The following UGT1A8 variants were observed in gnomAD, a reference collection of about 807,000 sequenced individuals.
UGT1A8 encodes UDP-glucuronosyltransferase 1A8.
Under a neutral mutation model 45.3 loss-of-function variants are expected in UGT1A8, and 39 were observed. That is an observed-to-expected ratio of 0.86 (90% CI 0.67 to 1.12). The LOEUF (loss-of-function observed/expected upper bound fraction) is 1.12, where lower values mean the gene tolerates loss of function less well. UGT1A8 is among the 50% of genes most tolerant of loss of function. UGT1A8 has a pLI of 0.00. For missense variants in UGT1A8, 719 were observed against 664.9 expected, an observed-to-expected ratio of 1.08 and a Z score of -0.90; for synonymous variants, 275 against 249.2, an observed-to-expected ratio of 1.10 and a Z score of -0.97.
At chr2:233,715,608 C>T (rs944774331) in intron 1 of UGT1A8, among the ~76,000 whole-genome samples, 2 of 151,816 alleles carry the variant, frequency 1.3e-5, no homozygotes, top group Non-Finnish European at 2.9e-5. Flanking sequence ...TCCATCTCTA[C>T]AAAAAATTAA....
At chr2:233,674,209 G>A (rs772359016) in intron 1 of UGT1A8, among the ~76,000 whole-genome samples, 3 of 152,136 alleles carry the variant, frequency 2.0e-5, no homozygotes, top group African/African-American at 4.8e-5. Context: ...AAGAGTGACT[G>A]TTCAGCCAAC....
intron 1 of UGT1A8, among the ~76,000 whole-genome samples, chr2:233,733,062 C>T (rs1195165933): frequency 2.0e-5 from 3 of 152,118 alleles, no homozygotes; most frequent in Admixed American, 6.5e-5. Flanking sequence ...ATTTTATTCT[C>T]TTTGTAGCAA....
intron 1 of UGT1A8, among the ~76,000 whole-genome samples, chr2:233,758,370 T>C (rs1198211865): frequency 6.6e-6 from 1 of 152,206 alleles, no homozygotes; most frequent in Non-Finnish European, 1.5e-5. Context: ...ATAAAATCAT[T>C]ACAGTGGTGA....
At chr2:233,747,065 G>T (rs1693553512) in intron 1 of UGT1A8, 1 of 956,080 alleles carries the variant, frequency 1.0e-6, no homozygotes, top group Admixed American at 2.9e-5. Context: ...TGGTTAATCG[G>T]TAATAATTAA....
At chr2:233,755,288 C>T in intron 1 of UGT1A8, 1 of 652,734 alleles carries the variant, frequency 1.5e-6, no homozygotes, top group Non-Finnish European at 2.4e-6. Flanking sequence ...GCCAAAGAGC[C>T]TGCGGGGCAC....
rs1559310280 is a variant in UGT1A8 at position 233,618,176 on chromosome 2, G to T, written c.469G>T (p.Val157Phe). The change falls in exon 1 of 5, where the codon GTT (valine) becomes TTT (phenylalanine). Residue 157 changes from valine (V) to phenylalanine (F), a missense_variant. Val to Phe is a conservative substitution (Grantham distance 50). Transcript: ENST00000373450. Reference sequence around the variant, plus strand: ...TCCTTTTGATGCCTGTGGCTTAATTGTTGCCAAATATTTCTCCCTCCCCTC... The same window carrying T: ...TCCTTTTGATGCCTGTGGCTTAATTTTTGCCAAATATTTCTCCCTCCCCTC... The part of the protein sequence containing the change: ...LDPFDACGLI[V>F]AKYFSLPSVV... The T allele has an allele frequency of 2.5e-6, 4 of 1,614,018 alleles. No individual in the cohort carries two copies. The highest frequency in any genetic ancestry group is 4.5e-5 in the East Asian group (2 of 44,862).
Position 233,768,374 on chromosome 2 carries a change from G to T in UGT1A8, c.1230G>T (p.Leu410=). Residue 410 remains leucine, a synonymous_variant, in exon 4 of 5, where the codon CTG becomes CTT. Transcript: ENST00000373450. ...AGACTAAGGGAGCTGGAGTGACCCT[G>T]AATGTTCTGGAAATGACTTCTGAAG... ...RMETKGAGVT[L]NVLEMTSEDL... 3 of 1,614,148 alleles carry T rather than the reference G, an allele frequency of 1.9e-6. No individual in the cohort carries two copies. The highest frequency in any genetic ancestry group is 2.5e-6 in the Non-Finnish European group (3 of 1,180,028).
rs769720139 is a variant in UGT1A8 at position 233,772,367 on chromosome 2, C to T, written c.1401C>T (p.Gly467=). Reference sequence around the variant, plus strand: ...TGGAGTTTGTGATGAGGCACAAGGGCGCGCCACACCTGCGCCCCGCAGCCC... The same window carrying T: ...TGGAGTTTGTGATGAGGCACAAGGGTGCGCCACACCTGCGCCCCGCAGCCC... The part of the protein sequence containing the change: ...FWVEFVMRHK[G]APHLRPAAHD... Residue 467 remains glycine, a synonymous_variant, in exon 5 of 5, where the codon GGC becomes GGT. Transcript: ENST00000373450. The T allele has an allele frequency of 1.5e-5, 24 of 1,614,250 alleles. No individual in the cohort carries two copies. Among genetic ancestry groups the T allele is most frequent in the Admixed American group, 1.7e-5 (1 of 60,036 alleles).
In UGT1A8 at chr2:233,773,093, G is replaced by A; in HGVS notation, c.*534G>A. 6.2e-6 allele frequency: 1 copy of A among 160,484 alleles called. No homozygotes were observed. Among genetic ancestry groups the A allele is most frequent in the East Asian group, 1.7e-4 (1 of 5,844 alleles). The allele number at this position is 160,484 out of a possible 1,614,324, so 9.9% of individuals were successfully genotyped here. A position where few individuals can be genotyped will look rare whatever the true frequency, so the allele number is the denominator to read the frequency against. Reference sequence around the variant, plus strand: ...GAATGAATGGCTTGGAGTGCACTGAGAACAGCATATGATTTCTTGCTTTGG... The same window carrying A: ...GAATGAATGGCTTGGAGTGCACTGAAAACAGCATATGATTTCTTGCTTTGG... On this transcript the variant is annotated 3_prime_UTR_variant, in exon 5 of 5. Transcript: ENST00000373450.
At chr2:233,625,419 C>T (rs182735724) in intron 1 of UGT1A8, among the ~76,000 whole-genome samples, 6 of 152,054 alleles carry the variant, frequency 3.9e-5, no homozygotes, top group African/African-American at 1.2e-4. Flanking sequence ...AACTGTCATT[C>T]GACCCAGCAA....
chr2:233,748,222 C>T (rs1693896902), intron 1 of UGT1A8: 2 of 1,443,838 alleles, frequency 1.4e-6, no homozygotes, highest in Non-Finnish European at 1.9e-6. Flanking sequence ...GTGAGATAAA[C>T]TGTTAAGGGG....
intron 1 of UGT1A8, among the ~76,000 whole-genome samples, chr2:233,727,533 G>A (rs532187681): frequency 2.6e-5 from 4 of 152,154 alleles, no homozygotes; most frequent in East Asian, 1.9e-4. Context: ...ACTACCAGGC[G>A]TGTTCCACCC....
At position 233,744,330 on chromosome 2, in the gene UGT1A8, T is replaced by A. The variant is rs1692777222; in HGVS notation, c.856-22704T>A. Among the ~76,000 whole-genome samples the A allele has an allele frequency of 1.3e-5, 2 of 151,878 alleles. 1 individual carries two copies. The highest frequency in any genetic ancestry group is 4.9e-5 in the African/African-American group (2 of 41,124). On this transcript the variant is annotated intron_variant, in intron 1 of 4. Coordinates refer to ENST00000373450, the MANE Select transcript of UGT1A8 (RefSeq NM_019076.5). Reference sequence around the variant, plus strand: ...GGGAAGAGGGTGGTGGGAGTGAGTTTAGTCTGACTGGGGCTGAAGACATCC... The same window carrying A: ...GGGAAGAGGGTGGTGGGAGTGAGTTAAGTCTGACTGGGGCTGAAGACATCC...
chr2:233,729,448 A>G (rs1363906847), intron 1 of UGT1A8: 1 of 1,614,064 alleles, frequency 6.2e-7, no homozygotes, highest in South Asian at 1.1e-5. Flanking sequence ...ACATTTTCTG[A>G]AGAAATTTTT....
rs754549295 is a variant in UGT1A8, at chr2:233,768,434, C to A, written c.1290C>A (p.Asp430Glu). 1 of 1,613,634 alleles carries A rather than the reference C, an allele frequency of 6.2e-7. No individual in the cohort carries two copies. Among genetic ancestry groups the A allele is most frequent in the Non-Finnish European group, 8.5e-7 (1 of 1,179,838 alleles). Residue 430 changes from aspartate (D) to glutamate (E), a missense_variant, in exon 4 of 5, where the codon GAC becomes GAA. Coordinates refer to ENST00000373450, the MANE Select transcript of UGT1A8 (RefSeq NM_019076.5). ...LENALKAVIN[D>E]KSYKENIMRL... The stretch of plus-strand genomic sequence containing the variant: ...ATGCTCTAAAAGCAGTCATCAATGA[C>A]AAAAGGTAAGAAAGAAGATACAGAA...
chr2:233,632,819 G>A (rs1575387880), intron 1 of UGT1A8, among the ~76,000 whole-genome samples: 1 of 151,982 alleles, frequency 6.6e-6, no homozygotes, highest in Non-Finnish European at 1.5e-5. Context: ...TGAATACCCT[G>A]TATTTCTTTC....
chr2:233,678,276 G>C (rs1382711038), intron 1 of UGT1A8, among the ~76,000 whole-genome samples: 1 of 152,168 alleles, frequency 6.6e-6, no homozygotes, highest in East Asian at 1.9e-4. Context: ...ATATACTCAG[G>C]TAACCTGCAC....
intron 1 of UGT1A8, chr2:233,747,447 A>G (rs757762144): frequency 1.5e-4 from 248 of 1,608,780 alleles, no homozygotes; most frequent in Non-Finnish European, 2.0e-4. Context: ...CACCCTGACA[A>G]CCTATGCCAT....
intron 1 of UGT1A8, chr2:233,690,872 G>T (rs2075019519): frequency 3.8e-6 from 4 of 1,063,276 alleles, no homozygotes; most frequent in Non-Finnish European, 4.6e-6. Context: ...TTGCAAGAAG[G>T]TGTTAGGAAT....
Sources: gnomAD v4.1 joint callset for allele counts (sites outside exome capture counted in the v4.1 genomes callset) on GRCh38, gnomAD v4.1.1 for gene constraint, MANE v1.5 for transcripts, NCBI Gene and HGNC (gene_info 2026-07-23, HGNC 2026-07-21) for gene names.